The following APOL4 variants were observed in gnomAD, a reference collection of about 807,000 sequenced individuals.
APOL4 encodes the protein apolipoprotein L, 4.
In APOL4, 14 loss-of-function variants were observed where a neutral mutation model predicts 12.1. The ratio of observed to expected loss-of-function variants is 1.16; its 90% CI spans 0.76 to 1.81. The LOEUF is 1.81. Among genes scored for constraint, APOL4 ranks in the 40% most tolerant of loss-of-function variants. The pLI is 0.00. For synonymous variants in APOL4, 171 were observed against 160.6 expected (o/e 1.06, Z -0.49); for missense variants, 432 against 423.1 (o/e 1.02, Z -0.18).
rs1358303512 is a variant in APOL4 at position 36,201,736 on chromosome 22, C to T, written c.-2G>A. On this transcript the variant is annotated 5_prime_UTR_variant, in exon 1 of 4. Coordinates refer to ENST00000683024, the MANE Select transcript of APOL4 (RefSeq NM_001386885.1). ...GATGAGCTGCACCCAGGATCCCATCCTCCTTGGTCATTGTTGGCCTGGCTC... is the reference window on the plus strand; with the variant it reads ...GATGAGCTGCACCCAGGATCCCATCTTCCTTGGTCATTGTTGGCCTGGCTC... The T allele has an allele frequency of 6.2e-7, 1 of 1,607,168 alleles. No homozygotes were observed. The highest frequency in any genetic ancestry group is 8.5e-7 in the Non-Finnish European group (1 of 1,176,954).
chr22:36,195,583 T>A, intron 2 of APOL4, 146 bp from the exon 3 acceptor site: 1 of 865,634 alleles, frequency 1.2e-6, no homozygotes, highest in South Asian at 1.8e-5. Flanking sequence ...ATAGACTGAA[T>A]TGTGTGCCCC....
chr22:36,204,247 G>T (rs1399326231), upstream of APOL4, among the ~76,000 whole-genome samples: 1 of 152,172 alleles, frequency 6.6e-6, no homozygotes, highest in Admixed American at 6.5e-5. Context: ...GACAGACCGG[G>T]CTCCAGGTCA....
chr22:36,192,557 A>G (rs1375093620), intron 3 of APOL4, among the ~76,000 whole-genome samples: 1 of 152,186 alleles, frequency 6.6e-6, no homozygotes, highest in Non-Finnish European at 1.5e-5. Context: ...TAGAAAAACA[A>G]AGAGAAGTGG....
intron 3 of APOL4, among the ~76,000 whole-genome samples, chr22:36,192,594 G>C (rs2146936499): frequency 6.6e-6 from 1 of 152,266 alleles, no homozygotes; most frequent in South Asian, 2.1e-4. Context: ...CCTTCATTCA[G>C]AGGATCATAG....
At chr22:36,202,442 A>G (rs1412879719), upstream of APOL4, among the ~76,000 whole-genome samples, 1 of 152,078 alleles carries the variant, frequency 6.6e-6, no homozygotes, top group African/African-American at 2.4e-5. Context: ...GTGAAGAAAA[A>G]TCAGGCCGGG....
chr22:36,197,623 A>G, intron 2 of APOL4: 3 of 1,537,688 alleles, frequency 2.0e-6, no homozygotes, highest in South Asian at 2.4e-5. Flanking sequence ...AACTGGGGTC[A>G]TATCAGATGG....
chr22:36,200,606 C>T (rs132717), intron 1 of APOL4, among the ~76,000 whole-genome samples: 74,469 of 152,098 alleles, frequency 0.49, 19,429 homozygotes, highest in East Asian at 0.9. Flanking sequence ...ACAAAGAACA[C>T]CCTCCTTCAC....
At chr22:36,197,188 T>C (rs576848221) in intron 2 of APOL4, among the ~76,000 whole-genome samples, 62 of 152,316 alleles carry the variant, frequency 4.1e-4, no homozygotes, top group African/African-American at 1.4e-3. Flanking sequence ...TGGGATTGGC[T>C]GAGAGCTCTC....
At chr22:36,195,171 C>T (rs2014366869) in intron 3 of APOL4, 140 bp downstream of exon 3, 2 of 1,113,984 alleles carry the variant, frequency 1.8e-6, no homozygotes, top group East Asian at 5.0e-5. Flanking sequence ...AAATATTCTT[C>T]CTGCACTGCT....
intron 3 of APOL4, among the ~76,000 whole-genome samples, chr22:36,192,244 G>T (rs2014279576): frequency 6.6e-6 from 1 of 152,152 alleles, no homozygotes; most frequent in Admixed American, 6.5e-5. Flanking sequence ...GGAGGCTGAG[G>T]CAGGAGAATG....
rs1428520483 is a variant in APOL4, at chr22:36,201,727, G to T, written c.8C>A (p.Ser3Tyr). MG[S>Y]WVQLITSVGV... The stretch of plus-strand genomic sequence containing the variant: ...GACGCTTGTGATGAGCTGCACCCAG[G>T]ATCCCATCCTCCTTGGTCATTGTTG... Residue 3 changes from serine to tyrosine, a missense_variant, in exon 1 of 4, where the codon TCC (serine) becomes TAC (tyrosine). By Grantham distance (144) the Ser-to-Tyr change is moderately radical. Coordinates refer to ENST00000683024, the MANE Select transcript of APOL4 (RefSeq NM_001386885.1). The T allele has an allele frequency of 1.9e-6, 3 of 1,608,144 alleles. No individual in the cohort carries two copies. The highest frequency in any genetic ancestry group is 1.7e-6 in the Non-Finnish European group (2 of 1,177,528).
upstream of APOL4, chr22:36,201,824 G>C (rs1253451354): frequency 5.7e-6 from 9 of 1,573,164 alleles, no homozygotes; most frequent in African/African-American, 1.1e-4. Flanking sequence ...GCCTCAACTA[G>C]GACACAGTGC....
intron 3 of APOL4, among the ~76,000 whole-genome samples, chr22:36,194,254 CA>C (rs1028434668): frequency 9.2e-5 from 14 of 152,132 alleles, no homozygotes; most frequent in African/African-American, 3.1e-4. Context: ...CCCCATTTCC[CA>C]GGCATGGTGT....
chr22:36,195,776 T>TCTCA lies in APOL4; in HGVS notation c.83-340_83-339insTGAG, dbSNP rs1300442097. Among the ~76,000 whole-genome samples, 227 of 97,016 alleles carry TCTCA rather than the reference T, an allele frequency of 2.3e-3. 1 individual carries two copies. The highest frequency in any genetic ancestry group is 7.1e-3 in the African/African-American group (202 of 28,274). The allele number at this position is 97,016 out of a possible 152,430, so 63.6% of individuals were successfully genotyped here. On this transcript the variant is annotated intron_variant, in intron 2 of 3. Transcript: ENST00000683024. Reference sequence around the variant, plus strand: ...CTCTCTCTCTCTCTCTCTCTCTCTCTCACACACACACACACACACACACAC... The same window carrying TCTCA: ...CTCTCTCTCTCTCTCTCTCTCTCTCTCTCACACACACACACACACACACACACAC...
intron 1 of APOL4, among the ~76,000 whole-genome samples, chr22:36,200,833 C>T (rs1477678417): frequency 6.6e-6 from 1 of 152,174 alleles, no homozygotes; most frequent in Non-Finnish European, 1.5e-5. Context: ...AAAATATATA[C>T]ACAACATGTA....
At chr22:36,197,487 TG>T in intron 2 of APOL4, 3 of 1,129,046 alleles carry the variant, frequency 2.7e-6, no homozygotes, top group Non-Finnish European at 3.6e-6. Flanking sequence ...ATTGATGGGG[TG>T]GGGATGGTGA....
intron 3 of APOL4, 87 bp from the exon 4 acceptor site, chr22:36,191,999 A>G (rs2014270630): frequency 2.5e-6 from 3 of 1,195,640 alleles, no homozygotes; most frequent in Non-Finnish European, 3.5e-6. Context: ...CATAAATCAC[A>G]GAGCTGTTTC....
intron 3 of APOL4, 32 bp downstream of exon 3, chr22:36,195,279 G>T (rs767336666): frequency 6.2e-7 from 1 of 1,602,704 alleles, no homozygotes; most frequent in Admixed American, 1.7e-5. Flanking sequence ...CATCACCGGG[G>T]TGCCCCAAGG....
rs527478239 is a variant in APOL4, at chr22:36,199,838, T to G, written c.36-462A>C. Among the ~76,000 whole-genome samples, 102 of 152,026 alleles carry G rather than the reference T, an allele frequency of 6.7e-4. 1 individual carries two copies. The highest frequency in any genetic ancestry group is 4.1e-3 in the Admixed American group (62 of 15,270). On this transcript the variant is annotated intron_variant, in intron 1 of 3. Coordinates refer to ENST00000683024, the MANE Select transcript of APOL4 (RefSeq NM_001386885.1). Reference sequence around the variant, plus strand: ...TATTTATATTTTTTGAGACGGAGTCTCGCTCTGTCGTCCAGGTGGAGTGCA... The same window carrying G: ...TATTTATATTTTTTGAGACGGAGTCGCGCTCTGTCGTCCAGGTGGAGTGCA...
Sources: gnomAD v4.1 joint callset for allele counts (sites outside exome capture counted in the v4.1 genomes callset) on GRCh38, gnomAD v4.1.1 for gene constraint, MANE v1.5 for transcripts, NCBI Gene and HGNC (gene_info 2026-07-23, HGNC 2026-07-21) for gene names.